Variants in TRIM61 observed in about 807,000 individuals in gnomAD.
TRIM61 encodes putative tripartite motif-containing protein 61.
In TRIM61, 1 loss-of-function variant was observed where a neutral mutation model predicts 14.2. The ratio of observed to expected loss-of-function variants is 0.07; its 90% CI spans 0.03 to 0.33. The LOEUF (loss-of-function observed/expected upper bound fraction) is 0.33. Ranked by LOEUF, TRIM61 falls within the 10% of genes least tolerant of loss-of-function variation. The pLI, the probability that TRIM61 is intolerant of heterozygous loss-of-function variation, is 0.99. For synonymous variants in TRIM61, 8 were observed against 71.6 expected (o/e 0.11, Z 4.49); for missense variants, 19 against 202.2 (o/e 0.09, Z 5.49).
intron 2 of TRIM61, among the ~76,000 whole-genome samples, chr4:164,973,824 G>A (rs1228872780): frequency 1.3e-5 from 2 of 152,180 alleles, no homozygotes; most frequent in Non-Finnish European, 2.9e-5. Context: ...TATAGTTGAT[G>A]TATTATATGT....
rs1732072119 is a variant in TRIM61, at chr4:164,958,884, C to T, written c.526-3788G>A. The T allele has an allele frequency of 1.8e-5, 3 of 167,030 alleles. No homozygotes were observed. In the South Asian group the frequency reaches 6.2e-4, roughly 35 times the overall value. The allele number at this position is 167,030 out of a possible 1,614,324, so 10.3% of individuals were successfully genotyped here. A position where few individuals can be genotyped will look rare whatever the true frequency, so the allele number is the denominator to read the frequency against. On this transcript the variant is annotated intron_variant, in intron 3 of 4. Transcript: ENST00000329314. ...CTATTTCTTCATAACTGTAATATGTCTAATGTTAGACATTTTAAATTAACA... is the reference window on the plus strand; with the variant it reads ...CTATTTCTTCATAACTGTAATATGTTTAATGTTAGACATTTTAAATTAACA...
intron 2 of TRIM61, among the ~76,000 whole-genome samples, chr4:164,974,968 C>T (rs1413967367): frequency 2.0e-5 from 3 of 152,000 alleles, no homozygotes. Context: ...CACGGTGGCT[C>T]ACACTTGTAA....
At position 164,955,568 on chromosome 4, in the gene TRIM61, C is replaced by CAA. The variant is rs10716862; in HGVS notation, c.526-474_526-473dup. ...TGGGTGACTAAGAGAGATTCAGTCT[C>CAA]AAAAAAAAAAAAAAAAAAAAAACAA... On this transcript the variant is annotated intron_variant, in intron 3 of 4. Transcript: ENST00000329314. Among the ~76,000 whole-genome samples the CAA allele has an allele frequency of 4.3e-3, 328 of 76,114 alleles. 1 individual carries two copies. Among genetic ancestry groups the CAA allele is most frequent in the South Asian group, 0.013 (27 of 2,060 alleles). The allele number at this position is 76,114 out of a possible 152,430, so 49.9% of individuals were successfully genotyped here. A position where few individuals can be genotyped will look rare whatever the true frequency, so the allele number is the denominator to read the frequency against.
chr4:164,963,516 C>G (rs543169648), intron 3 of TRIM61, among the ~76,000 whole-genome samples: 2 of 151,968 alleles, frequency 1.3e-5, no homozygotes, highest in Non-Finnish European at 2.9e-5. Flanking sequence ...TGCCAAGGCA[C>G]GCAGATCACC....
At chr4:164,975,711 G>A (rs1311399881) in intron 2 of TRIM61, among the ~76,000 whole-genome samples, 2 of 152,194 alleles carry the variant, frequency 1.3e-5, no homozygotes, top group Non-Finnish European at 2.9e-5. Flanking sequence ...GCCCTTGAAA[G>A]CGGGGTATTG....
At chr4:164,975,244 AG>A (rs1229367446) in intron 2 of TRIM61, among the ~76,000 whole-genome samples, 6 of 152,042 alleles carry the variant, frequency 3.9e-5, no homozygotes, top group Non-Finnish European at 8.8e-5. Context: ...AAAAAAAAAA[AG>A]AATCTTGCCC....
chr4:164,955,951 C>T (rs1385774744), intron 3 of TRIM61, among the ~76,000 whole-genome samples: 1 of 152,212 alleles, frequency 6.6e-6, no homozygotes, highest in Non-Finnish European at 1.5e-5. Flanking sequence ...TCTGAGAGCC[C>T]TGAGGCGGAC....
intron 3 of TRIM61, chr4:164,957,590 C>T (rs1041782403): frequency 9.4e-5 from 121 of 1,289,490 alleles, no homozygotes; most frequent in Non-Finnish European, 1.2e-4. Context: ...CTAAACCAAT[C>T]GTTATGTTAA....
chr4:164,968,973 C>A, intron 3 of TRIM61: 3 of 1,021,564 alleles, frequency 2.9e-6, no homozygotes, highest in Non-Finnish European at 3.5e-6. Flanking sequence ...CAACTATATC[C>A]CTTAGAACCC....
Position 164,957,495 on chromosome 4 carries a change from A to G in TRIM61, c.526-2399T>C, listed in dbSNP as rs778948606. The G allele has an allele frequency of 7.5e-6, 12 of 1,600,706 alleles. No homozygotes were observed. The East Asian group carries it at 2.2e-4, about 30-fold the overall frequency. On this transcript the variant is annotated intron_variant, in intron 3 of 4. Coordinates refer to ENST00000329314, the MANE Select transcript of TRIM61 (RefSeq NM_001012414.3). ...CTCCCGCTGGGCTCACCTGTCCTATAGAGCAGGCTGCCTCAAGGAAGAAGC... is the reference window on the plus strand; with the variant it reads ...CTCCCGCTGGGCTCACCTGTCCTATGGAGCAGGCTGCCTCAAGGAAGAAGC...
intron 3 of TRIM61, chr4:164,968,403 T>C (rs539492395): frequency 5.1e-6 from 5 of 984,144 alleles, no homozygotes; most frequent in East Asian, 2.3e-4. Context: ...AAGTACCTTG[T>C]CACTGACCCC....
intron 3 of TRIM61, chr4:164,968,661 C>T (rs1167558365): frequency 2.0e-6 from 2 of 985,316 alleles, no homozygotes; most frequent in Non-Finnish European, 2.4e-6. Flanking sequence ...GGCCAAAGTG[C>T]TCCTGTAAAA....
chr4:164,963,600 T>C (rs1045379827), intron 3 of TRIM61, among the ~76,000 whole-genome samples: 5 of 151,528 alleles, frequency 3.3e-5, no homozygotes, highest in Non-Finnish European at 7.4e-5. Flanking sequence ...AAAAATTAGC[T>C]AGGCGTGGTG....
chr4:164,963,480 G>A (rs1732176724), intron 3 of TRIM61, among the ~76,000 whole-genome samples: 1 of 152,154 alleles, frequency 6.6e-6, no homozygotes, highest in Non-Finnish European at 1.5e-5. Context: ...ACAGGGCACG[G>A]TGGCTCACGC....
intron 3 of TRIM61, chr4:164,957,322 T>G: frequency 6.2e-7 from 1 of 1,614,096 alleles, no homozygotes; most frequent in Non-Finnish European, 8.5e-7. Context: ...GGAATTTTAG[T>G]GGCAGCATTC....
At chr4:164,962,945 A>C (rs1457377571) in intron 3 of TRIM61, among the ~76,000 whole-genome samples, 2 of 152,256 alleles carry the variant, frequency 1.3e-5, no homozygotes, top group Admixed American at 1.3e-4. Context: ...AAAGGGAAAC[A>C]GTATAATTTC....
intron 3 of TRIM61, chr4:164,968,433 G>A (rs1732287517): frequency 2.0e-6 from 2 of 984,686 alleles, no homozygotes; most frequent in Admixed American, 6.2e-5. Flanking sequence ...TATAAAGTAG[G>A]TCCCATAATC....
intron 3 of TRIM61, among the ~76,000 whole-genome samples, chr4:164,967,584 TGTGG>T (rs1481976200): frequency 7.9e-5 from 12 of 152,146 alleles, no homozygotes; most frequent in African/African-American, 2.9e-4. Flanking sequence ...TATGTGTGTG[TGTGG>T]CAGAGGAGGA....
intron 3 of TRIM61, among the ~76,000 whole-genome samples, chr4:164,967,016 T>C (rs988688395): frequency 6.6e-6 from 1 of 152,158 alleles, no homozygotes; most frequent in Non-Finnish European, 1.5e-5. Context: ...CATGACTATC[T>C]CTACGGAAAC....
Sources: gnomAD v4.1 joint callset for allele counts (sites outside exome capture counted in the v4.1 genomes callset) on GRCh38, gnomAD v4.1.1 for gene constraint, MANE v1.5 for transcripts, NCBI Gene and HGNC (gene_info 2026-07-23, HGNC 2026-07-21) for gene names.